Variants in PIGU observed in about 807,000 individuals in gnomAD.
PIGU encodes GPI-anchor transamidase component PIGU.
PIGU carries 24 observed loss-of-function variants against 49.9 expected under a neutral mutation model. That is an observed-to-expected ratio of 0.48 (90% CI 0.35 to 0.68). The LOEUF (loss-of-function observed/expected upper bound fraction) is 0.68. Ranked by LOEUF, PIGU falls within the 30% of genes least tolerant of loss-of-function variation. The pLI, the probability that PIGU is intolerant of heterozygous loss-of-function variation, is 0.01. For synonymous variants in PIGU, 220 were observed against 205.7 expected (o/e 1.07, Z -0.59); for missense variants, 490 against 532.6 (o/e 0.92, Z 0.79).
intron 11 of PIGU, among the ~76,000 whole-genome samples, chr20:34,572,920 G>T (rs1983072949): frequency 6.6e-6 from 1 of 152,204 alleles, no homozygotes; most frequent in South Asian, 2.1e-4. Context: ...AGTCTGCAAA[G>T]ACACATACCA....
intron 4 of PIGU, among the ~76,000 whole-genome samples, chr20:34,641,083 G>T (rs571533506): frequency 1.3e-5 from 2 of 151,758 alleles, no homozygotes; most frequent in Admixed American, 1.3e-4. Context: ...TAGTAGAGAC[G>T]GGCTTTCACC....
intron 10 of PIGU, among the ~76,000 whole-genome samples, chr20:34,576,787 G>A (rs1385430601): frequency 2.0e-5 from 3 of 152,098 alleles, no homozygotes; most frequent in Non-Finnish European, 2.9e-5. Flanking sequence ...AAGCCCAGTG[G>A]ACTTTATTTT....
chr20:34,619,389 G>T (rs2146744454), intron 6 of PIGU, among the ~76,000 whole-genome samples: 1 of 152,322 alleles, frequency 6.6e-6, no homozygotes, highest in Middle Eastern at 3.4e-3. Flanking sequence ...GGGTGGGCTA[G>T]GGATTGATTC....
At chr20:34,620,959 A>G (rs1238492843) in intron 6 of PIGU, among the ~76,000 whole-genome samples, 1 of 152,210 alleles carries the variant, frequency 6.6e-6, no homozygotes, top group Non-Finnish European at 1.5e-5. Flanking sequence ...CCCATTTTAC[A>G]GGTCAAGAAA....
chr20:34,617,262 C>T (rs1212511496), intron 6 of PIGU, among the ~76,000 whole-genome samples: 3 of 152,268 alleles, frequency 2.0e-5, no homozygotes, highest in African/African-American at 7.2e-5. Flanking sequence ...GTAGATCCAC[C>T]GACAGCTTGC....
At chr20:34,565,171 T>C (rs1426724739) in intron 11 of PIGU, among the ~76,000 whole-genome samples, 1 of 152,198 alleles carries the variant, frequency 6.6e-6, no homozygotes. Flanking sequence ...CTGTGTGATA[T>C]TAAGTCTCTT....
intron 7 of PIGU, among the ~76,000 whole-genome samples, chr20:34,596,812 C>T (rs1228005279): frequency 6.6e-6 from 1 of 152,122 alleles, no homozygotes; most frequent in African/African-American, 2.4e-5. Context: ...AAACTAATTA[C>T]GATGGCTGAT....
At chr20:34,674,111 T>C (rs1190344190) in intron 1 of PIGU, among the ~76,000 whole-genome samples, 2 of 151,346 alleles carry the variant, frequency 1.3e-5, no homozygotes, top group African/African-American at 4.9e-5. Flanking sequence ...ATCCCAGCAC[T>C]TTCACAGGTC....
chr20:34,563,267 T>C (rs1464235325), intron 11 of PIGU, among the ~76,000 whole-genome samples: 1 of 152,188 alleles, frequency 6.6e-6, no homozygotes, highest in Non-Finnish European at 1.5e-5. Flanking sequence ...ATGTATTCCA[T>C]TGATAAAAAT....
At chr20:34,589,080 A>C (rs1455529843) in intron 7 of PIGU, among the ~76,000 whole-genome samples, 3 of 150,728 alleles carry the variant, frequency 2.0e-5, no homozygotes, top group Non-Finnish European at 2.9e-5. Flanking sequence ...GTGTTCTGAG[A>C]TTATACCAAA....
intron 7 of PIGU, among the ~76,000 whole-genome samples, chr20:34,615,126 C>A (rs995001211): frequency 3.9e-5 from 6 of 152,182 alleles, no homozygotes; most frequent in African/African-American, 1.2e-4. Flanking sequence ...AGTTTCAATT[C>A]ATTTGTCTAA....
At chr20:34,645,214 G>T in intron 3 of PIGU, 61 bp downstream of exon 3, 5 of 1,358,444 alleles carry the variant, frequency 3.7e-6, no homozygotes, top group Non-Finnish European at 4.8e-6. Flanking sequence ...GAGAGAGAGA[G>T]ACAATAAACC....
chr20:34,644,262 A>T, intron 3 of PIGU, 36 bp from the exon 4 acceptor site: 1 of 1,536,890 alleles, frequency 6.5e-7, no homozygotes, highest in Non-Finnish European at 9.0e-7. Context: ...GAAATGGAAC[A>T]CAGTAAGTGT....
chr20:34,610,657 T>C (rs1438466074), intron 7 of PIGU, among the ~76,000 whole-genome samples: 1 of 152,188 alleles, frequency 6.6e-6, no homozygotes, highest in Non-Finnish European at 1.5e-5. Flanking sequence ...TTCAATGCTA[T>C]TCCCATCAAG....
At chr20:34,608,987 A>G (rs976085709) in intron 7 of PIGU, among the ~76,000 whole-genome samples, 8 of 152,298 alleles carry the variant, frequency 5.3e-5, no homozygotes, top group African/African-American at 1.7e-4. Context: ...ACTCAGCCCT[A>G]AAGAATAATT....
chr20:34,663,805 C>T (rs975332468), intron 1 of PIGU, among the ~76,000 whole-genome samples: 1 of 152,158 alleles, frequency 6.6e-6, no homozygotes, highest in Non-Finnish European at 1.5e-5. Context: ...AGGCATTTCT[C>T]AATCTTAGCC....
chr20:34,600,506 G>T (rs1361128002), intron 7 of PIGU, among the ~76,000 whole-genome samples: 1 of 151,928 alleles, frequency 6.6e-6, no homozygotes, highest in Non-Finnish European at 1.5e-5. Context: ...AAGTATTTAG[G>T]TTCTGAGTTA....
At chr20:34,572,342 C>T (rs1479997576) in intron 11 of PIGU, among the ~76,000 whole-genome samples, 2 of 151,878 alleles carry the variant, frequency 1.3e-5, no homozygotes, top group Non-Finnish European at 2.9e-5. Context: ...CTGCAAGGCT[C>T]TTACATTTAA....
In PIGU at chr20:34,656,890, C is replaced by G. The variant is rs1386882265; in HGVS notation, c.195+290G>C. ...AAACAACAAATTACATGCTAATTAG[C>G]ATACAACCTATTTGCGGACTAAGGA... On this transcript the variant is annotated intron_variant, in intron 2 of 11. Transcript: ENST00000217446. Among the ~76,000 whole-genome samples the G allele has an allele frequency of 2.0e-5, 3 of 152,104 alleles. No homozygotes were observed. The East Asian group carries it at 5.8e-4, about 29-fold the overall frequency.
Sources: gnomAD v4.1 joint callset for allele counts (sites outside exome capture counted in the v4.1 genomes callset) on GRCh38, gnomAD v4.1.1 for gene constraint, MANE v1.5 for transcripts, NCBI Gene and HGNC (gene_info 2026-07-23, HGNC 2026-07-21) for gene names.